Variants in ANK3 observed in about 807,000 individuals in gnomAD.
ANK3 encodes the protein ankyrin-3.
Under a neutral mutation model 370.9 loss-of-function variants are expected in ANK3, and 57 were observed. The ratio of observed to expected loss-of-function variants is 0.15; its 90% CI spans 0.12 to 0.19. The LOEUF (loss-of-function observed/expected upper bound fraction) is 0.19. ANK3 is among the 10% of genes least tolerant of loss of function. The pLI is 1.00. For missense variants in ANK3, 4,439 were observed against 5,302.1 expected (o/e 0.84, Z 5.06); for synonymous variants, 1,929 against 1,946.3 (o/e 0.99, Z 0.23).
At chr10:60,555,731 C>A (rs928657363) in intron 2 of ANK3, among the ~76,000 whole-genome samples, 1 of 152,044 alleles carries the variant, frequency 6.6e-6, no homozygotes, top group Non-Finnish European at 1.5e-5. Context: ...TTTGCACTAA[C>A]TGCATATTTT....
At chr10:60,163,827 C>A (rs935700168) in intron 23 of ANK3, among the ~76,000 whole-genome samples, 16 of 152,046 alleles carry the variant, frequency 1.1e-4, no homozygotes, top group Admixed American at 3.3e-4. Flanking sequence ...AAACTGGCAG[C>A]CTATATTGCT....
chr10:60,186,368 A>G (rs1407887604), intron 17 of ANK3, among the ~76,000 whole-genome samples: 8 of 132,866 alleles, frequency 6.0e-5, no homozygotes, highest in Admixed American at 2.2e-4. Context: ...TTTTTTTTAA[A>G]GAGACAGGGT....
At chr10:60,520,223 A>G (rs1434761578) in intron 2 of ANK3, among the ~76,000 whole-genome samples, 2 of 152,100 alleles carry the variant, frequency 1.3e-5, no homozygotes, top group East Asian at 3.9e-4. Flanking sequence ...TGCGAGCTAA[A>G]CATTGGGTAT....
intron 1 of ANK3, among the ~76,000 whole-genome samples, chr10:60,670,597 C>T (rs1477554330): frequency 6.6e-6 from 1 of 152,166 alleles, no homozygotes; most frequent in Non-Finnish European, 1.5e-5. Context: ...CCGGAATATC[C>T]CTTTTATAAA....
intron 2 of ANK3, among the ~76,000 whole-genome samples, chr10:60,545,421 T>G (rs1446677726): frequency 2.1e-5 from 3 of 142,550 alleles, no homozygotes; most frequent in Non-Finnish European, 3.1e-5. Flanking sequence ...AGAATTGAAA[T>G]TCTGTGGTTC....
In ANK3 at chr10:60,197,149, G is replaced by A. The variant is rs116444708; in HGVS notation, c.1690-524C>T. Among the ~76,000 whole-genome samples, 942 of 152,198 alleles carry A rather than the reference G, an allele frequency of 6.2e-3. 14 individuals are homozygous for A. The highest frequency in any genetic ancestry group is 0.021 in the African/African-American group (890 of 41,512). The stretch of plus-strand genomic sequence containing the variant: ...CTCCATGTATACACAATCCTTATGT[G>A]TCCTCTAGTCTTCAGGAGGAGGAGT... On this transcript the variant is annotated intron_variant, in intron 14 of 43. Transcript: ENST00000280772.
intron 1 of ANK3, among the ~76,000 whole-genome samples, chr10:60,330,688 C>G (rs1300261844): frequency 2.0e-5 from 3 of 152,272 alleles, no homozygotes; most frequent in Non-Finnish European, 4.4e-5. Flanking sequence ...TTAGTTCAAC[C>G]ATTGTGGCAG....
chr10:60,087,121 G>C (rs1388256251), intron 29 of ANK3, among the ~76,000 whole-genome samples: 1 of 151,796 alleles, frequency 6.6e-6, no homozygotes, highest in Non-Finnish European at 1.5e-5. Context: ...AACACAAATA[G>C]CACTGGCTTG....
rs181078883 is a variant in ANK3 at position 60,093,665 on chromosome 10, C to T, written c.3329-5307G>A. On this transcript the variant is annotated intron_variant, in intron 28 of 43. Coordinates refer to ENST00000280772, the MANE Select transcript of ANK3 (RefSeq NM_020987.5). ...AGCACTGAATTGAGAAGAATTGCCA[C>T]TTTGCGTGATAGAGGCAGGCTGACC... 8.5e-5 allele frequency among the ~76,000 whole-genome samples: 13 copies of T among 152,318 alleles called. No individual in the cohort carries two copies. The East Asian group carries it at 2.3e-3, about 27-fold the overall frequency.
intron 2 of ANK3, among the ~76,000 whole-genome samples, chr10:60,529,428 C>A (rs2076553325): frequency 6.6e-6 from 1 of 152,082 alleles, no homozygotes; most frequent in African/African-American, 2.4e-5. Context: ...CTATGTGCCA[C>A]CCCCACACAT....
At chr10:60,477,086 A>G (rs2075086210) in intron 2 of ANK3, among the ~76,000 whole-genome samples, 1 of 152,142 alleles carries the variant, frequency 6.6e-6, no homozygotes, top group African/African-American at 2.4e-5. Context: ...ACAATTCTGC[A>G]TCCCACAGGA....
chr10:60,529,252 T>C (rs572210598), intron 2 of ANK3, among the ~76,000 whole-genome samples: 1 of 152,204 alleles, frequency 6.6e-6, no homozygotes, highest in Admixed American at 6.5e-5. Flanking sequence ...TAGCATGCAG[T>C]CATCAGGCCT....
intron 1 of ANK3, among the ~76,000 whole-genome samples, chr10:60,671,422 T>C (rs983977292): frequency 1.3e-5 from 2 of 152,234 alleles, no homozygotes; most frequent in African/African-American, 2.4e-5. Context: ...TCACTTCCTC[T>C]CAGAGGTCTT....
chr10:60,034,079 T>A (rs2074342646), intron 43 of ANK3, among the ~76,000 whole-genome samples: 1 of 148,122 alleles, frequency 6.8e-6, no homozygotes, highest in African/African-American at 2.6e-5. Context: ...AATTCTGTTT[T>A]TGTTTTTTTT....
At chr10:60,593,001 C>A (rs2077938085) in intron 2 of ANK3, among the ~76,000 whole-genome samples, 1 of 152,168 alleles carries the variant, frequency 6.6e-6, no homozygotes, top group African/African-American at 2.4e-5. Context: ...AAAGAAAACT[C>A]TTTCCCTTTT....
intron 7 of ANK3, among the ~76,000 whole-genome samples, chr10:60,254,871 G>T (rs16914660): frequency 6.6e-6 from 1 of 152,010 alleles, no homozygotes; most frequent in Non-Finnish European, 1.5e-5. Context: ...TGGTGGACAG[G>T]AAGGCCAAGA....
intron 7 of ANK3, among the ~76,000 whole-genome samples, chr10:60,246,505 C>T (rs755405300): frequency 6.6e-6 from 1 of 152,174 alleles, no homozygotes; most frequent in Non-Finnish European, 1.5e-5. Flanking sequence ...GATACTGATG[C>T]CAATGACATT....
rs111859573 is a variant in ANK3 at position 60,463,060 on chromosome 10, T to C, written c.96+152126A>G. Among the ~76,000 whole-genome samples, 404 of 152,108 alleles carry C rather than the reference T, an allele frequency of 2.7e-3. 4 individuals carry two copies. The highest frequency in any genetic ancestry group is 9.5e-3 in the African/African-American group (393 of 41,480). ...CTGGGACTACAGGCTTGTGCCACCATGTTCAACTAATTTTTGTATTTTTTG... is the reference window on the plus strand; with the variant it reads ...CTGGGACTACAGGCTTGTGCCACCACGTTCAACTAATTTTTGTATTTTTTG... On this transcript the variant is annotated intron_variant, in intron 2 of 43. Coordinates refer to the ANK3 transcript ENST00000373827.
chr10:60,213,577 T>G (rs2096889496), intron 8 of ANK3, 67 bp from the exon 9 acceptor site: 2 of 1,041,398 alleles, frequency 1.9e-6, no homozygotes, highest in Non-Finnish European at 2.8e-6. Context: ...GTGTACTTCT[T>G]CAAGATCCAG....
Sources: gnomAD v4.1 joint callset for allele counts (sites outside exome capture counted in the v4.1 genomes callset) on GRCh38, gnomAD v4.1.1 for gene constraint, MANE v1.5 for transcripts, NCBI Gene and HGNC (gene_info 2026-07-23, HGNC 2026-07-21) for gene names.